The following PTPRT variants were observed in gnomAD, a reference collection of about 807,000 sequenced individuals.
PTPRT encodes receptor-type tyrosine-protein phosphatase T.
PTPRT carries 56 observed loss-of-function variants against 176.8 expected under a neutral mutation model. The ratio of observed to expected loss-of-function variants is 0.32; its 90% CI spans 0.26 to 0.40. The LOEUF is 0.40. Ranked by LOEUF, PTPRT falls within the 10% of genes least tolerant of loss-of-function variation. PTPRT has a pLI of 1.00. For synonymous variants in PTPRT, 783 were observed against 739.0 expected (o/e 1.06, Z -0.96); for missense variants, 1,540 against 1,908.2 (o/e 0.81, Z 3.60).
At chr20:42,319,041 T>C (rs1270807471) in intron 11 of PTPRT, among the ~76,000 whole-genome samples, 1 of 152,154 alleles carries the variant, frequency 6.6e-6, no homozygotes, top group Non-Finnish European at 1.5e-5. Context: ...CAAGGACTAT[T>C]AGACACAGCC....
intron 15 of PTPRT, among the ~76,000 whole-genome samples, chr20:42,202,161 C>T (rs1275798690): frequency 2.6e-5 from 4 of 152,064 alleles, no homozygotes; most frequent in East Asian, 3.9e-4. Flanking sequence ...GTAGAGACAG[C>T]GTTTTACCAT....
At chr20:42,644,395 C>A (rs1370064468) in intron 7 of PTPRT, among the ~76,000 whole-genome samples, 1 of 152,196 alleles carries the variant, frequency 6.6e-6, no homozygotes, top group Non-Finnish European at 1.5e-5. Context: ...TTTATCAGTA[C>A]AGCCTTCCAG....
intron 7 of PTPRT, among the ~76,000 whole-genome samples, chr20:42,665,448 T>C (rs1326711120): frequency 1.3e-5 from 2 of 151,684 alleles, no homozygotes; most frequent in Non-Finnish European, 2.9e-5. Flanking sequence ...AAACAACAGG[T>C]GCTGGAGAGG....
At chr20:42,228,828 C>T (rs928369241) in intron 15 of PTPRT, among the ~76,000 whole-genome samples, 1 of 152,178 alleles carries the variant, frequency 6.6e-6, no homozygotes, top group Non-Finnish European at 1.5e-5. Flanking sequence ...ATGAGTAATA[C>T]ATAGTTCTCC....
At chr20:42,155,176 C>T (rs1457865308) in intron 17 of PTPRT, among the ~76,000 whole-genome samples, 1 of 152,214 alleles carries the variant, frequency 6.6e-6, no homozygotes, top group Non-Finnish European at 1.5e-5. Flanking sequence ...CCCAGTGAAA[C>T]TGATCTGAAA....
intron 13 of PTPRT, among the ~76,000 whole-genome samples, chr20:42,253,540 G>C (rs779421793): frequency 2.6e-5 from 4 of 152,154 alleles, no homozygotes; most frequent in Admixed American, 6.5e-5. Flanking sequence ...TTTGGGAACT[G>C]GGAGAAGGAG....
At chr20:42,269,978 G>T (rs2056902930) in intron 13 of PTPRT, among the ~76,000 whole-genome samples, 1 of 152,062 alleles carries the variant, frequency 6.6e-6, no homozygotes, top group Non-Finnish European at 1.5e-5. Context: ...GGCTGCACAT[G>T]GGTTTGTTTA....
intron 13 of PTPRT, among the ~76,000 whole-genome samples, chr20:42,276,731 G>A (rs2057046238): frequency 6.6e-6 from 1 of 150,948 alleles, no homozygotes; most frequent in Non-Finnish European, 1.5e-5. Flanking sequence ...TCTCAAGGAA[G>A]CTTCCTATAT....
At chr20:42,544,439 C>T (rs1414450771) in intron 7 of PTPRT, among the ~76,000 whole-genome samples, 1 of 152,200 alleles carries the variant, frequency 6.6e-6, no homozygotes, top group Non-Finnish European at 1.5e-5. Flanking sequence ...AGAGTTAGGA[C>T]CTTGCTTTGG....
At chr20:42,740,988 C>T (rs929076881) in intron 6 of PTPRT, among the ~76,000 whole-genome samples, 1 of 152,054 alleles carries the variant, frequency 6.6e-6, no homozygotes, top group African/African-American at 2.4e-5. Context: ...AGAGAGTGTG[C>T]ATGTGCATGT....
intron 13 of PTPRT, among the ~76,000 whole-genome samples, chr20:42,269,736 A>G (rs2056898251): frequency 6.6e-6 from 1 of 152,188 alleles, no homozygotes; most frequent in South Asian, 2.1e-4. Context: ...AGGCCTCTGC[A>G]TGTGTACGGT....
chr20:42,098,431 T>C lies in PTPRT; in HGVS notation c.3836A>G (p.Asp1279Gly). The C allele has an allele frequency of 6.2e-7, 1 of 1,614,098 alleles. No homozygotes were observed. Among genetic ancestry groups the C allele is most frequent in the South Asian group, 1.1e-5 (1 of 91,072 alleles). Residue 1279 changes from aspartate to glycine, a missense_variant, in exon 27 of 31, where the codon GAC becomes GGC. Asp to Gly is a moderately conservative substitution (Grantham distance 94, BLOSUM62 -1). Around this residue, in one of 11 missense-constraint regions of PTPRT, gnomAD observed 342 missense variants for 394.0 expected, o/e 0.87. Transcript: ENST00000373187. ...TTGGCCTCCTCCTACCTGGGCAGTG[T>C]CCATCTCATTCAGCATCACCACAGA... ...CSSVVMLNEMDTAQFCMQYWP... is the reference protein window; with the variant it reads ...CSSVVMLNEMGTAQFCMQYWP...
chr20:42,909,995 C>A (rs2145930872), intron 1 of PTPRT, among the ~76,000 whole-genome samples: 1 of 152,326 alleles, frequency 6.6e-6, no homozygotes, highest in East Asian at 1.9e-4. Context: ...TTCTCCCTAG[C>A]AGCTTCTTCC....
At chr20:42,283,431 T>C (rs772579932) in intron 12 of PTPRT, among the ~76,000 whole-genome samples, 6 of 152,080 alleles carry the variant, frequency 3.9e-5, no homozygotes, top group Admixed American at 6.6e-5. Context: ...CAAAGAACCA[T>C]TGCATCTTGA....
In PTPRT at chr20:42,485,809, T is replaced by C. The variant is rs114627289; in HGVS notation, c.1154-13247A>G. On this transcript the variant is annotated intron_variant, in intron 7 of 30. Coordinates refer to ENST00000373187, the MANE Select transcript of PTPRT (RefSeq NM_007050.6). ...AAATGCCTACCAAGCTTTTTTATGATGTCCAAAGCTTTATTCTTTGAAATG... is the reference window on the plus strand; with the variant it reads ...AAATGCCTACCAAGCTTTTTTATGACGTCCAAAGCTTTATTCTTTGAAATG... Among the ~76,000 whole-genome samples the C allele has an allele frequency of 4.5e-3, 690 of 152,314 alleles. 5 individuals carry two copies. The highest frequency in any genetic ancestry group is 0.016 in the African/African-American group (662 of 41,570).
chr20:42,321,319 G>A (rs1483324142), intron 11 of PTPRT, among the ~76,000 whole-genome samples: 1 of 152,136 alleles, frequency 6.6e-6, no homozygotes, highest in East Asian at 1.9e-4. Context: ...CTACAGATCA[G>A]CTGAATCAGA....
the PTPRT span, among the ~76,000 whole-genome samples, chr20:42,043,494 G>A: frequency 7.2e-5 from 11 of 152,268 alleles, no homozygotes; most frequent in African/African-American, 2.4e-4. Flanking sequence ...ATAGAGATGA[G>A]GGGTGAGTTC....
At chr20:42,584,094 T>C (rs1306146594) in intron 7 of PTPRT, among the ~76,000 whole-genome samples, 1 of 152,170 alleles carries the variant, frequency 6.6e-6, no homozygotes, top group African/African-American at 2.4e-5. Context: ...TAACTTATTC[T>C]CCAGCTGAAT....
chr20:42,930,319 T>A (rs1411291600), intron 1 of PTPRT, among the ~76,000 whole-genome samples: 1 of 152,146 alleles, frequency 6.6e-6, no homozygotes, highest in Non-Finnish European at 1.5e-5. Flanking sequence ...CAGGTCTTTG[T>A]TTCAGAAGAT....
Sources: allele counts gnomAD v4.1 joint callset (sites outside exome capture counted in the v4.1 genomes callset), GRCh38; gene constraint gnomAD v4.1.1; regional missense constraint gnomAD v4.1.1; transcripts MANE v1.5; gene names NCBI Gene and HGNC (gene_info 2026-07-23, HGNC 2026-07-21).